Variants in ACSL4 observed in about 807,000 individuals in gnomAD.
ACSL4 encodes the protein acyl-CoA synthetase long chain family member 4, also known as long-chain-fatty-acid--CoA ligase 4.
Under a neutral mutation model 49.1 loss-of-function variants are expected in ACSL4, and 9 were observed. That is an observed-to-expected ratio of 0.18 (90% CI 0.11 to 0.32). The LOEUF (loss-of-function observed/expected upper bound fraction) is 0.32, where lower values mean the gene tolerates loss of function less well. ACSL4 is among the 10% of genes least tolerant of loss of function. The pLI is 1.00. For missense variants in ACSL4, 333 were observed against 493.7 expected, an observed-to-expected ratio of 0.67 and a Z score of 3.08; for synonymous variants, 191 against 170.3, an observed-to-expected ratio of 1.12 and a Z score of -0.95.
chrX:109,657,745 G>C (rs987148053), intron 15 of ACSL4, among the ~76,000 whole-genome samples: 1 of 111,630 alleles, frequency 9.0e-6, no homozygotes, highest in Non-Finnish European at 1.9e-5. Context: ...TAATGGGATG[G>C]CTGGGTCAAA....
intron 1 of ACSL4, among the ~76,000 whole-genome samples, chrX:109,700,589 G>A (rs1410251842): frequency 1.8e-5 from 2 of 109,404 alleles, no homozygotes; most frequent in Admixed American, 9.8e-5. Flanking sequence ...GGAGAACTAA[G>A]TGGTCATAAG....
At chrX:109,723,062 T>C (rs771518851) in intron 1 of ACSL4, among the ~76,000 whole-genome samples, 2 of 111,535 alleles carry the variant, frequency 1.8e-5, no homozygotes, top group Non-Finnish European at 3.8e-5. Flanking sequence ...ATACCAATAC[T>C]TCATCGATAG....
rs1269056172 is a variant in ACSL4, at chrX:109,661,533, T to C, written c.1695A>G (p.Lys565=). ...PLIDNICAFA[K]SDQSYVISFV... ...AAAATACAACTTTGGAAAGTTACCT[T>C]TTGGCAAAAGCACAGATGTTGTCAA... is the stretch of plus-strand genomic sequence containing the variant. The change falls in exon 14 of 16, where the codon AAA becomes AAG. Residue 565 remains lysine (K), a splice_region_variant and synonymous_variant. Transcript: ENST00000672401. The C allele has an allele frequency of 2.5e-6, 3 of 1,201,573 alleles. No individual in the cohort carries two copies. The highest frequency in any genetic ancestry group is 3.4e-6 in the Non-Finnish European group (3 of 888,170).
At chrX:109,649,979 A>G (rs1569415505) in intron 15 of ACSL4, among the ~76,000 whole-genome samples, 2 of 109,541 alleles carry the variant, frequency 1.8e-5, no homozygotes. Flanking sequence ...ACAATGAGAT[A>G]CCATCTCACA....
chrX:109,719,859 G>A (rs1927411970), intron 1 of ACSL4, among the ~76,000 whole-genome samples: 1 of 111,086 alleles, frequency 9.0e-6, no homozygotes, highest in Non-Finnish European at 1.9e-5. Flanking sequence ...CAGGCATGAC[G>A]GCTCATGCCT....
chrX:109,644,632 A>G (rs1295978632), intron 15 of ACSL4, among the ~76,000 whole-genome samples: 1 of 112,264 alleles, frequency 8.9e-6, no homozygotes, highest in Non-Finnish European at 1.9e-5. Context: ...ACCACCCCGG[A>G]GAGGACATCC....
intron 1 of ACSL4, among the ~76,000 whole-genome samples, chrX:109,714,299 G>C (rs1325897478): frequency 1.8e-5 from 2 of 112,310 alleles, no homozygotes; most frequent in East Asian, 5.5e-4. Flanking sequence ...TTTTTGTACA[G>C]CTGTACAGTG....
chrX:109,721,962 C>A (rs1927597295), intron 1 of ACSL4, among the ~76,000 whole-genome samples: 1 of 110,977 alleles, frequency 9.0e-6, no homozygotes. Flanking sequence ...ATCCTCTGTA[C>A]TGTGAAATCA....
chrX:109,649,114 G>A (rs1222165853), intron 15 of ACSL4, among the ~76,000 whole-genome samples: 2 of 110,993 alleles, frequency 1.8e-5, no homozygotes, highest in Non-Finnish European at 1.9e-5. Context: ...GGTAATTTAC[G>A]GATTCAATGC....
At chrX:109,728,577 T>G (rs1216354896) in intron 1 of ACSL4, among the ~76,000 whole-genome samples, 3 of 112,552 alleles carry the variant, frequency 2.7e-5, no homozygotes, top group Non-Finnish European at 5.6e-5. Flanking sequence ...CATTTTAATA[T>G]AGTGAGAGCA....
intron 15 of ACSL4, among the ~76,000 whole-genome samples, chrX:109,650,100 G>C (rs1285112308): frequency 1.2e-4 from 13 of 111,629 alleles, no homozygotes; most frequent in African/African-American, 3.3e-4. Flanking sequence ...TAGTTCAACC[G>C]TTGTGGAAGT....
At chrX:109,661,501 G>A (rs1259080153) in intron 14 of ACSL4, 30 bp downstream of exon 14, 2 of 1,063,507 alleles carry the variant, frequency 1.9e-6, no homozygotes, top group Non-Finnish European at 2.6e-6. Flanking sequence ...TTTGACTTAC[G>A]AAACAAAAAA....
chrX:109,649,499 TCCTTACA>T (rs1388508678), intron 15 of ACSL4, among the ~76,000 whole-genome samples: 2 of 111,832 alleles, frequency 1.8e-5, no homozygotes, highest in African/African-American at 6.5e-5. Flanking sequence ...CTGGATCCCT[TCCTTACA>T]CCTTACACAA....
intron 1 of ACSL4, among the ~76,000 whole-genome samples, chrX:109,709,885 T>A (rs1926629474): frequency 9.0e-6 from 1 of 111,251 alleles, no homozygotes; most frequent in Non-Finnish European, 1.9e-5. Flanking sequence ...AGCAGGCGGA[T>A]CACGGAGGTC....
At chrX:109,683,004 A>G in intron 3 of ACSL4, 108 bp from the exon 4 acceptor site, 1 of 1,022,864 alleles carries the variant, frequency 9.8e-7, no homozygotes, top group Non-Finnish European at 1.3e-6. Flanking sequence ...TACAGAAGCT[A>G]TGAGCGGCTT....
chrX:109,722,416 T>C (rs1927628344), intron 1 of ACSL4, among the ~76,000 whole-genome samples: 1 of 112,049 alleles, frequency 8.9e-6, no homozygotes, highest in Non-Finnish European at 1.9e-5. Context: ...TGCAAAAGAA[T>C]ACAACTACAC....
chrX:109,727,064 G>T (rs768119723), intron 1 of ACSL4, among the ~76,000 whole-genome samples: 1 of 110,645 alleles, frequency 9.0e-6, no homozygotes, highest in Non-Finnish European at 1.9e-5. Flanking sequence ...CTTTCCAGAA[G>T]ATTTTTTAAA....
intron 1 of ACSL4, among the ~76,000 whole-genome samples, chrX:109,726,859 T>C (rs779987655): frequency 9.3e-6 from 1 of 107,701 alleles, no homozygotes; most frequent in Non-Finnish European, 1.9e-5. Flanking sequence ...TGTTGTTTTT[T>C]GTTGTTGTTG....
intron 1 of ACSL4, among the ~76,000 whole-genome samples, chrX:109,723,163 CTAT>C (rs1318784320): frequency 9.0e-6 from 1 of 111,051 alleles, no homozygotes; most frequent in Non-Finnish European, 1.9e-5. Context: ...TGAAGGAATC[CTAT>C]TATAAGCATC....
Sources: allele counts gnomAD v4.1 joint callset (sites outside exome capture counted in the v4.1 genomes callset), GRCh38; gene constraint gnomAD v4.1.1; transcripts MANE v1.5; gene names NCBI Gene and HGNC (gene_info 2026-07-23, HGNC 2026-07-21).